Variants in SHROOM2 observed in about 807,000 individuals in gnomAD.
The protein encoded by SHROOM2 is protein Shroom2.
Under a neutral mutation model 75.9 loss-of-function variants are expected in SHROOM2, and 33 were observed. The observed-to-expected ratio is 0.43, with a 90% CI of 0.33 to 0.58. SHROOM2 has a LOEUF of 0.58. Ranked by LOEUF, SHROOM2 falls within the 20% of genes least tolerant of loss-of-function variation. The pLI is 0.04. For missense variants in SHROOM2, 1,434 were observed against 1,461.2 expected (o/e 0.98, Z 0.30); for synonymous variants, 655 against 663.6 (o/e 0.99, Z 0.20).
chrX:9,888,088 T>C (rs770545405), intron 2 of SHROOM2, among the ~76,000 whole-genome samples: 1 of 113,151 alleles, frequency 8.8e-6, no homozygotes, highest in African/African-American at 3.2e-5. Context: ...TTGATGTCCA[T>C]CTGTCCAGGG....
At chrX:9,814,403 C>T (rs757667916) in intron 1 of SHROOM2, among the ~76,000 whole-genome samples, 2 of 111,609 alleles carry the variant, frequency 1.8e-5, no homozygotes, top group Non-Finnish European at 3.8e-5. Flanking sequence ...TGCCTGTTCT[C>T]CAAGATTTCT....
At chrX:9,819,518 C>G (rs1187872110) in intron 1 of SHROOM2, 1 of 235,481 alleles carries the variant, frequency 4.2e-6, no homozygotes, top group African/African-American at 2.9e-5. Context: ...TCTTTGATTG[C>G]AGCTTTTTTA....
In SHROOM2 at chrX:9,893,752, G is replaced by A. The variant is rs191054163; in HGVS notation, c.450-606G>A. 1.3e-4 allele frequency among the ~76,000 whole-genome samples: 14 copies of A among 110,110 alleles called. No individual in the cohort carries two copies. In the East Asian group the frequency reaches 4.0e-3, roughly 32 times the overall value. Reference sequence around the variant, plus strand: ...AGATCACTTGAGGTCAGGAATTCGAGACCAGCCTGGCCAACATGGTGAAAC... The same window carrying A: ...AGATCACTTGAGGTCAGGAATTCGAAACCAGCCTGGCCAACATGGTGAAAC... On this transcript the variant is annotated intron_variant, in intron 3 of 9. Transcript: ENST00000380913.
chrX:9,848,802 A>G (rs186286210), intron 1 of SHROOM2, among the ~76,000 whole-genome samples: 1 of 111,111 alleles, frequency 9.0e-6, no homozygotes, highest in East Asian at 2.8e-4. Flanking sequence ...GGTTAGGGGA[A>G]GCTCTCAATA....
In SHROOM2 at chrX:9,896,147, C is replaced by G. The variant is rs61740917; in HGVS notation, c.2239C>G (p.Arg747Gly). The change falls in exon 4 of 10, where the codon CGC becomes GGC. Residue 747 changes from arginine to glycine, a missense_variant. By Grantham distance (125) the Arg-to-Gly change is moderately radical. Transcript: ENST00000380913. ...TACAAGTGGCGGGCCCCACCCGCCC[C>G]GCATCGGAGGCCGGAGACGGTTCAC... ...SSTSGGPHPP[R>G]IGGRRRFTAE... 2 of 1,207,189 alleles carry G rather than the reference C, an allele frequency of 1.7e-6. No homozygotes were observed. Among genetic ancestry groups the G allele is most frequent in the African/African-American group, 3.5e-5 (2 of 57,485 alleles).
intron 1 of SHROOM2, among the ~76,000 whole-genome samples, chrX:9,837,494 G>T (rs2083952979): frequency 8.9e-6 from 1 of 112,253 alleles, no homozygotes; most frequent in African/African-American, 3.2e-5. Flanking sequence ...TGAAACGTGT[G>T]GTGTGCACAT....
chrX:9,875,024 C>T (rs746223895), intron 2 of SHROOM2, among the ~76,000 whole-genome samples: 5 of 82,608 alleles, frequency 6.1e-5, no homozygotes, highest in Non-Finnish European at 8.8e-5. Context: ...GAGGCTACAA[C>T]GAGCCATGAT....
At chrX:9,814,755 C>T (rs1601922024) in intron 1 of SHROOM2, among the ~76,000 whole-genome samples, 1 of 111,628 alleles carries the variant, frequency 9.0e-6, no homozygotes, top group East Asian at 2.8e-4. Flanking sequence ...AGTTTACAAA[C>T]TCAGTGTCCC....
intron 5 of SHROOM2, chrX:9,912,627 G>A (rs746820799): frequency 1.8e-5 from 2 of 111,624 alleles, no homozygotes; most frequent in African/African-American, 6.5e-5. Flanking sequence ...GTTTGCTCTC[G>A]GGGCACTTCA....
At chrX:9,818,763 C>T in intron 1 of SHROOM2, 1 of 469,857 alleles carries the variant, frequency 2.1e-6, no homozygotes. Context: ...CAATGATACC[C>T]TCTTCTTTCT....
intron 1 of SHROOM2, among the ~76,000 whole-genome samples, chrX:9,839,282 G>A (rs1012294600): frequency 9.0e-6 from 1 of 111,236 alleles, no homozygotes; most frequent in Non-Finnish European, 1.9e-5. Flanking sequence ...GCAGAGACGC[G>A]TTTTTTTACC....
At chrX:9,890,828 G>A (rs1187618157) in intron 2 of SHROOM2, 149 bp from the exon 3 acceptor site, 19 of 510,052 alleles carry the variant, frequency 3.7e-5, no homozygotes, top group African/African-American at 1.7e-4. Flanking sequence ...ACAAGCGCAC[G>A]TGCGCTGTGT....
intron 2 of SHROOM2, among the ~76,000 whole-genome samples, chrX:9,883,071 C>G (rs2084240812): frequency 8.9e-6 from 1 of 112,148 alleles, no homozygotes; most frequent in African/African-American, 3.2e-5. Context: ...CTAGAGTGCT[C>G]TGGCGTACTT....
chrX:9,938,691 T>C (rs1324998511), intron 7 of SHROOM2, among the ~76,000 whole-genome samples: 2 of 112,760 alleles, frequency 1.8e-5, no homozygotes, highest in Admixed American at 1.9e-4. Flanking sequence ...GCATCTTCCC[T>C]GCTGCTGACA....
At chrX:9,802,361 C>T (rs1247214393) in intron 1 of SHROOM2, among the ~76,000 whole-genome samples, 2 of 112,665 alleles carry the variant, frequency 1.8e-5, no homozygotes. Flanking sequence ...CATATTTTAA[C>T]AACGTGATTC....
intron 1 of SHROOM2, chrX:9,818,797 A>G (rs947496426): frequency 2.1e-6 from 1 of 482,701 alleles, no homozygotes; most frequent in Admixed American, 3.3e-5. Context: ...ATCAAACAGG[A>G]TGTTGGCCCG....
In SHROOM2 at chrX:9,937,029, G is replaced by A. The variant is rs1363112190; in HGVS notation, c.3588-105G>A. 5.9e-6 allele frequency: 5 copies of A among 844,546 alleles called. No homozygotes were observed. In the African/African-American group the frequency reaches 8.3e-5, roughly 14 times the overall value. 69.6% of individuals were successfully genotyped at this position (844,546 alleles called of 1,213,427 possible). A position where few individuals can be genotyped will look rare whatever the true frequency, so the allele number is the denominator to read the frequency against. ...CCTTCGAGTTGGGTGGCTGGCTAGT[G>A]CCTTTGAGTCAGGTTCCCATCCAGA... On this transcript the variant is annotated intron_variant, in intron 6 of 9. Coordinates refer to ENST00000380913, the MANE Select transcript of SHROOM2 (RefSeq NM_001649.4).
intron 1 of SHROOM2, among the ~76,000 whole-genome samples, chrX:9,808,089 C>T (rs768385866): frequency 5.4e-5 from 6 of 111,152 alleles, no homozygotes; most frequent in South Asian, 3.8e-4. Context: ...GACTTTGCCC[C>T]GCTTGGAGCA....
chrX:9,852,842 A>C lies in SHROOM2; in HGVS notation c.166-20810A>C, dbSNP rs906892960. Among the ~76,000 whole-genome samples the C allele has an allele frequency of 2.7e-5, 3 of 112,027 alleles. No homozygotes were observed. In the South Asian group the frequency reaches 1.1e-3, roughly 41 times the overall value. ...AGAAAAGGTCATTGGTTTGCTTCTA[A>C]TGTGTGTTTCTATCTCTGGGGAGAG... On this transcript the variant is annotated intron_variant, in intron 1 of 9. Coordinates refer to ENST00000380913, the MANE Select transcript of SHROOM2 (RefSeq NM_001649.4).
Sources: allele counts gnomAD v4.1 joint callset (sites outside exome capture counted in the v4.1 genomes callset), GRCh38; gene constraint gnomAD v4.1.1; transcripts MANE v1.5; gene names NCBI Gene and HGNC (gene_info 2026-07-23, HGNC 2026-07-21).